The following EYS variants were observed in gnomAD, a reference collection of about 807,000 sequenced individuals.
EYS encodes EGF-like photoreceptor maintenance factor, also known as protein eyes shut homolog.
Under a neutral mutation model 282.1 loss-of-function variants are expected in EYS, and 250 were observed. The observed-to-expected ratio is 0.89, with a 90% CI of 0.80 to 0.98. EYS has a LOEUF of 0.98. Ranked by LOEUF, EYS falls within the 50% of genes least tolerant of loss-of-function variation. The pLI, the probability that EYS is intolerant of heterozygous loss-of-function variation, is 0.00. For synonymous variants in EYS, 1,355 were observed against 1,282.9 expected, an observed-to-expected ratio of 1.06 and a Z score of -1.20; for missense variants, 4,016 against 3,709.0, an observed-to-expected ratio of 1.08 and a Z score of -2.15.
At chr6:64,915,744 T>A (rs1445218930) in intron 15 of EYS, among the ~76,000 whole-genome samples, 1 of 152,172 alleles carries the variant, frequency 6.6e-6, no homozygotes, top group Non-Finnish European at 1.5e-5. Flanking sequence ...AAATATATTA[T>A]CCAATTTGAT....
chr6:65,543,529 T>C (rs914910033), intron 2 of EYS, among the ~76,000 whole-genome samples: 1 of 150,362 alleles, frequency 6.7e-6, no homozygotes, highest in East Asian at 1.9e-4. Flanking sequence ...AGTTTTACCA[T>C]ATGGGAATTG....
chr6:65,494,558 G>A (rs1468646097), intron 4 of EYS, 105 bp downstream of exon 4: 19 of 1,092,256 alleles, frequency 1.7e-5, no homozygotes, highest in Non-Finnish European at 2.4e-5. Context: ...TGGGATTACA[G>A]GTGTGAGCCA....
chr6:64,402,403 T>A (rs973227135), intron 28 of EYS, among the ~76,000 whole-genome samples: 4 of 152,160 alleles, frequency 2.6e-5, no homozygotes, highest in Non-Finnish European at 5.9e-5. Flanking sequence ...AAATTTTGAG[T>A]TTTAGTTGAT....
chr6:64,878,744 A>G (rs577419456), intron 19 of EYS, among the ~76,000 whole-genome samples: 2 of 150,182 alleles, frequency 1.3e-5, no homozygotes, highest in South Asian at 4.3e-4. Flanking sequence ...GGCTGGGAAC[A>G]TGGGAAATAA....
At chr6:64,313,206 A>C (rs2150379612) in intron 29 of EYS, among the ~76,000 whole-genome samples, 1 of 152,362 alleles carries the variant, frequency 6.6e-6, no homozygotes, top group South Asian at 2.1e-4. Flanking sequence ...ATGGAGCTGA[A>C]AAACACAGCA....
intron 13 of EYS, among the ~76,000 whole-genome samples, chr6:64,999,461 G>T (rs1296319046): frequency 6.6e-6 from 1 of 152,158 alleles, no homozygotes; most frequent in Non-Finnish European, 1.5e-5. Context: ...GATACAGAAG[G>T]GGGAAGGGAA....
intron 31 of EYS, among the ~76,000 whole-genome samples, chr6:64,141,292 T>C (rs1485766962): frequency 6.6e-6 from 1 of 152,190 alleles, no homozygotes; most frequent in Non-Finnish European, 1.5e-5. Context: ...ATGGCTATGT[T>C]GAATTGCTAA....
intron 5 of EYS, among the ~76,000 whole-genome samples, chr6:65,440,389 A>T (rs1260672937): frequency 2.0e-5 from 3 of 148,280 alleles, no homozygotes; most frequent in African/African-American, 7.3e-5. Flanking sequence ...AAAAAAAAAA[A>T]ATTAAAACCC....
At chr6:64,928,141 C>A (rs1422219464) in intron 15 of EYS, among the ~76,000 whole-genome samples, 1 of 151,940 alleles carries the variant, frequency 6.6e-6, no homozygotes, top group Non-Finnish European at 1.5e-5. Context: ...CTATTGAATA[C>A]CTTATGAAAA....
At chr6:64,255,153 GC>G (rs1299162326) in intron 30 of EYS, among the ~76,000 whole-genome samples, 22 of 152,118 alleles carry the variant, frequency 1.4e-4, no homozygotes, top group African/African-American at 5.1e-4. Context: ...CATGATAATT[GC>G]AATTTCAGTA....
At chr6:64,927,626 G>T (rs955328583) in intron 15 of EYS, among the ~76,000 whole-genome samples, 2 of 152,036 alleles carry the variant, frequency 1.3e-5, no homozygotes, top group East Asian at 3.9e-4. Flanking sequence ...AAATCTTAAG[G>T]GTTCTGGTGT....
chr6:64,526,857 G>T (rs1255077076), intron 26 of EYS, among the ~76,000 whole-genome samples: 1 of 151,770 alleles, frequency 6.6e-6, no homozygotes. Context: ...CTATTTATTA[G>T]TAAAGATTCT....
At chr6:63,847,942 T>A (rs1772141877) in intron 36 of EYS, among the ~76,000 whole-genome samples, 1 of 152,092 alleles carries the variant, frequency 6.6e-6, no homozygotes, top group Non-Finnish European at 1.5e-5. Flanking sequence ...AAAGCAAGGG[T>A]CAAGTCATTT....
chr6:63,730,062 C>T (rs1032053056), intron 41 of EYS, among the ~76,000 whole-genome samples: 2 of 152,146 alleles, frequency 1.3e-5, no homozygotes, highest in East Asian at 3.8e-4. Context: ...CTCAGATCAG[C>T]AAATGGTCCC....
chr6:64,517,894 A>G (rs1309401391), intron 26 of EYS, among the ~76,000 whole-genome samples: 1 of 151,818 alleles, frequency 6.6e-6, no homozygotes, highest in African/African-American at 2.4e-5. Flanking sequence ...CAAACATGAA[A>G]ATAACTTACT....
intron 6 of EYS, 34 bp from the exon 7 acceptor site, chr6:65,402,639 A>T (rs188363099): frequency 1.4e-6 from 2 of 1,424,808 alleles, no homozygotes; most frequent in Non-Finnish European, 2.0e-6. Context: ...TTTACAAAGT[A>T]TTATGGATAT....
chr6:64,803,499 G>A (rs1194015742), intron 22 of EYS, among the ~76,000 whole-genome samples: 1 of 152,166 alleles, frequency 6.6e-6, no homozygotes, highest in Non-Finnish European at 1.5e-5. Context: ...GGAACTGACA[G>A]CCTGGCCCCA....
chr6:65,523,471 A>G (rs1380988855), intron 2 of EYS, among the ~76,000 whole-genome samples: 1 of 152,198 alleles, frequency 6.6e-6, no homozygotes, highest in Non-Finnish European at 1.5e-5. Flanking sequence ...TGTGGAATCT[A>G]AAACAGTACA....
intron 19 of EYS, among the ~76,000 whole-genome samples, chr6:64,863,304 C>T (rs756455608): frequency 6.6e-6 from 1 of 152,080 alleles, no homozygotes; most frequent in Non-Finnish European, 1.5e-5. Flanking sequence ...TCTGTTGAGA[C>T]TTTTACCTAT....
Sources: gnomAD v4.1 joint callset for allele counts (sites outside exome capture counted in the v4.1 genomes callset) on GRCh38, gnomAD v4.1.1 for gene constraint, MANE v1.5 for transcripts, NCBI Gene and HGNC (gene_info 2026-07-23, HGNC 2026-07-21) for gene names.